The following CSMD3 variants were observed in gnomAD, a reference collection of about 807,000 sequenced individuals.
CSMD3 encodes CUB and sushi domain-containing protein 3.
In CSMD3, 177 loss-of-function variants were observed where a neutral mutation model predicts 435.2. The observed-to-expected ratio is 0.41, with a 90% CI of 0.36 to 0.46. The LOEUF is 0.46. Among genes scored for constraint, CSMD3 ranks in the 20% least tolerant of loss-of-function variants. The probability of loss-of-function intolerance (pLI) is 0.34; values close to 1 mark genes in which losing one functional copy is unlikely to be tolerated. For missense variants in CSMD3, 4,265 were observed against 4,504.6 expected (o/e 0.95, Z 1.52); for synonymous variants, 1,656 against 1,520.5 (o/e 1.09, Z -2.07).
At chr8:112,792,906 T>C (rs2078726781) in intron 13 of CSMD3, among the ~76,000 whole-genome samples, 1 of 151,884 alleles carries the variant, frequency 6.6e-6, no homozygotes, top group Non-Finnish European at 1.5e-5. Flanking sequence ...AAAAATCATT[T>C]AAAACATTTA....
intron 5 of CSMD3, among the ~76,000 whole-genome samples, chr8:113,023,902 C>T (rs1444001346): frequency 6.6e-6 from 1 of 152,118 alleles, no homozygotes; most frequent in African/African-American, 2.4e-5. Context: ...TCACCTCAAA[C>T]ATTTATGATT....
At chr8:112,748,449 A>T (rs1478523756) in intron 13 of CSMD3, among the ~76,000 whole-genome samples, 1 of 152,136 alleles carries the variant, frequency 6.6e-6, no homozygotes, top group African/African-American at 2.4e-5. Flanking sequence ...CCAGGTATTA[A>T]GCTCAGTACC....
intron 55 of CSMD3, 67 bp downstream of exon 55, chr8:112,292,470 T>G (rs1159163154): frequency 7.3e-6 from 11 of 1,510,632 alleles, no homozygotes; most frequent in Non-Finnish European, 9.2e-7. Flanking sequence ...CTGTTTTAAG[T>G]GTGTCACTGA....
At chr8:113,298,775 A>G (rs1317177383) in intron 2 of CSMD3, among the ~76,000 whole-genome samples, 2 of 152,126 alleles carry the variant, frequency 1.3e-5, no homozygotes, top group Admixed American at 6.6e-5. Flanking sequence ...AGCAGAGTTC[A>G]AGGTCTGGCT....
At chr8:113,339,998 A>T (rs1369558337) in intron 1 of CSMD3, among the ~76,000 whole-genome samples, 1 of 151,990 alleles carries the variant, frequency 6.6e-6, no homozygotes, top group Admixed American at 6.6e-5. Context: ...CTTATAAACA[A>T]CATTTAGGTT....
In CSMD3 at chr8:113,347,927, C is replaced by T. The variant is rs193089141; in HGVS notation, c.179-33134G>A. Among the ~76,000 whole-genome samples the T allele has an allele frequency of 8.2e-4, 124 of 152,040 alleles. 1 individual carries two copies. The East Asian group carries it at 0.023, about 28-fold the overall frequency. ...GGCAAAGGCGAGATAATTATATTTT[C>T]CAGGAGTGAATACCTCCAAGAAAAA... is the stretch of plus-strand genomic sequence containing the variant. On this transcript the variant is annotated intron_variant, in intron 1 of 70. Coordinates refer to ENST00000297405, the MANE Select transcript of CSMD3 (RefSeq NM_198123.2).
intron 12 of CSMD3, among the ~76,000 whole-genome samples, chr8:112,818,508 T>C (rs549378671): frequency 1.1e-4 from 16 of 152,346 alleles, no homozygotes; most frequent in African/African-American, 3.8e-4. Context: ...AGTAAAGAGA[T>C]TGCTGAATAA....
At chr8:112,497,500 T>C (rs1025468978) in intron 30 of CSMD3, among the ~76,000 whole-genome samples, 1 of 149,706 alleles carries the variant, frequency 6.7e-6, no homozygotes. Context: ...TATATATATA[T>C]ATACCTACTA....
At chr8:112,824,213 G>C (rs1274162210) in intron 12 of CSMD3, among the ~76,000 whole-genome samples, 2 of 151,924 alleles carry the variant, frequency 1.3e-5, no homozygotes, top group Admixed American at 1.3e-4. Flanking sequence ...CATAAGATGG[G>C]TCTCCTGAAT....
rs567980224 is a variant in CSMD3, at chr8:113,435,600, C to G, written c.178+1077G>C. On this transcript the variant is annotated intron_variant, in intron 1 of 70. Coordinates refer to ENST00000297405, the MANE Select transcript of CSMD3 (RefSeq NM_198123.2). ...GCGCGCCTGGGCCAAAACAGCACCC[C>G]CTTTCCCGCGATCCCCCGCCCCCCC... 1.1e-3 allele frequency among the ~76,000 whole-genome samples: 161 copies of G among 152,034 alleles called. 1 individual carries two copies. The highest frequency in any genetic ancestry group is 0.01 in the Middle Eastern group (3 of 294).
At chr8:112,958,707 A>G (rs922072200) in intron 7 of CSMD3, among the ~76,000 whole-genome samples, 2 of 152,214 alleles carry the variant, frequency 1.3e-5, no homozygotes, top group African/African-American at 4.8e-5. Flanking sequence ...TTAACCATAT[A>G]TTCACGCATA....
At chr8:112,237,414 G>C (rs2129996506) in intron 66 of CSMD3, 66 bp from the exon 67 acceptor site, 9 of 1,159,100 alleles carry the variant, frequency 7.8e-6, no homozygotes, top group Admixed American at 1.7e-5. Context: ...GCATTAAATA[G>C]AGTATTAGTT....
chr8:113,056,441 T>A (rs1231253411), intron 5 of CSMD3, among the ~76,000 whole-genome samples: 1 of 152,194 alleles, frequency 6.6e-6, no homozygotes, highest in Admixed American at 6.5e-5. Flanking sequence ...TATATTCAAA[T>A]TATCTACTTA....
At chr8:113,427,888 C>T (rs914342214) in intron 1 of CSMD3, among the ~76,000 whole-genome samples, 10 of 151,446 alleles carry the variant, frequency 6.6e-5, no homozygotes, top group Admixed American at 3.3e-4. Context: ...ACAATTTTAT[C>T]ATTTTATATG....
intron 3 of CSMD3, among the ~76,000 whole-genome samples, chr8:113,234,923 A>C (rs920897837): frequency 1.4e-4 from 21 of 152,192 alleles, no homozygotes; most frequent in South Asian, 1.2e-3. Context: ...CTGGAGCCAA[A>C]CTAAATGGTT....
intron 5 of CSMD3, among the ~76,000 whole-genome samples, chr8:113,075,758 T>C (rs1391023538): frequency 6.6e-6 from 1 of 151,778 alleles, no homozygotes; most frequent in African/African-American, 2.4e-5. Context: ...GACTGATAAA[T>C]GTTGATATTG....
intron 18 of CSMD3, among the ~76,000 whole-genome samples, chr8:112,655,642 T>C (rs1278783676): frequency 2.0e-5 from 3 of 151,906 alleles, no homozygotes; most frequent in East Asian, 1.9e-4. Flanking sequence ...TCTCGACTTA[T>C]ATTAATCATA....
chr8:112,301,769 C>G, intron 53 of CSMD3, 24 bp downstream of exon 53: 2 of 1,604,716 alleles, frequency 1.2e-6, no homozygotes, highest in Non-Finnish European at 1.7e-6. Context: ...GGAAGTTTGA[C>G]AAAAACAAAT....
At chr8:113,330,051 T>G (rs2094015609) in intron 1 of CSMD3, among the ~76,000 whole-genome samples, 1 of 152,088 alleles carries the variant, frequency 6.6e-6, no homozygotes, top group Admixed American at 6.5e-5. Flanking sequence ...GAACCAAAAA[T>G]GTACATTTTA....
Sources: allele counts gnomAD v4.1 joint callset (sites outside exome capture counted in the v4.1 genomes callset), GRCh38; gene constraint gnomAD v4.1.1; transcripts MANE v1.5; gene names NCBI Gene and HGNC (gene_info 2026-07-23, HGNC 2026-07-21).